SLC12A7: variants seen among roughly 807,000 people sequenced by gnomAD.
SLC12A7 encodes the protein K-Cl cotransporter 4.
Under a neutral mutation model 120.6 loss-of-function variants are expected in SLC12A7, and 100 were observed. The ratio of observed to expected loss-of-function variants is 0.83; its 90% CI spans 0.71 to 0.98. SLC12A7 has a LOEUF of 0.98. Ranked by LOEUF, SLC12A7 falls within the 50% of genes least tolerant of loss-of-function variation. The pLI, the probability that SLC12A7 is intolerant of heterozygous loss-of-function variation, is 0.00. For missense variants in SLC12A7, 1,373 were observed against 1,548.1 expected, an observed-to-expected ratio of 0.89 and a Z score of 1.90; for synonymous variants, 760 against 678.0, an observed-to-expected ratio of 1.12 and a Z score of -1.88.
intron 15 of SLC12A7, among the ~76,000 whole-genome samples, chr5:1,075,098 C>T (rs1254214840): frequency 6.6e-6 from 1 of 152,212 alleles, no homozygotes; most frequent in African/African-American, 2.4e-5. Flanking sequence ...GAATAGTCAG[C>T]CGTGGGCTCA....
At chr5:1,063,478 C>T (rs183150655) in intron 20 of SLC12A7, among the ~76,000 whole-genome samples, 136 of 152,258 alleles carry the variant, frequency 8.9e-4, no homozygotes, top group Non-Finnish European at 1.5e-3. Context: ...CACCCACACC[C>T]GTGTTACACG....
In SLC12A7 at chr5:1,087,200, A is replaced by C. The variant is rs542976227; in HGVS notation, c.545-167T>G. On this transcript the variant is annotated intron_variant, in intron 5 of 23. Coordinates refer to ENST00000264930, the MANE Select transcript of SLC12A7 (RefSeq NM_006598.3). ...GCACATGGAGACGCTTCCACGGTGA[A>C]CTCTCCCCTCCCGAGGCTCGGCACA... is the stretch of plus-strand genomic sequence containing the variant. 4.0e-5 allele frequency among the ~76,000 whole-genome samples: 6 copies of C among 151,816 alleles called. No individual in the cohort carries two copies. In the East Asian group the frequency reaches 5.8e-4, roughly 15 times the overall value.
rs148794067 is a variant in SLC12A7 at position 1,088,984 on chromosome 5, A to G, written c.487T>C (p.Cys163Arg). The stretch of plus-strand genomic sequence containing the variant: ...ACACCTGGCCGGGGGAGACTCACAC[A>G]TGTGCAGCACATGGCCACGATGAGG... ...SFLIVAMCCTCTMLTAISMSA... is the reference protein window; with the variant it reads ...SFLIVAMCCTRTMLTAISMSA... Residue 163 changes from cysteine to arginine, a missense_variant and splice_region_variant, in exon 4 of 24, where the codon TGT becomes CGT. Transcript: ENST00000264930. The G allele has an allele frequency of 2.7e-4, 440 of 1,612,602 alleles. No individual in the cohort carries two copies. Among genetic ancestry groups the G allele is most frequent in the Non-Finnish European group, 3.6e-4 (422 of 1,179,904 alleles).
the SLC12A7 span, among the ~76,000 whole-genome samples, chr5:1,144,606 C>T: frequency 1.3e-5 from 2 of 152,332 alleles, no homozygotes; most frequent in African/African-American, 2.4e-5. Context: ...TGGTGGGCAC[C>T]CGCCTTGAAA....
At chr5:1,141,281 C>A in the SLC12A7 span, among the ~76,000 whole-genome samples, 2 of 152,354 alleles carry the variant, frequency 1.3e-5, no homozygotes, top group East Asian at 3.9e-4. Flanking sequence ...GGATGCACCC[C>A]TGTGAGCTGT....
rs146676247 is a variant in SLC12A7, at chr5:1,059,733, G to A, written c.2847+611C>T. 1.4e-3 allele frequency among the ~76,000 whole-genome samples: 189 copies of A among 136,130 alleles called. 2 individuals are homozygous for A. Among genetic ancestry groups the A allele is most frequent in the Admixed American group, 3.8e-3 (50 of 13,122 alleles). The allele number at this position is 136,130 out of a possible 152,430, so 89.3% of individuals were successfully genotyped here. ...CTGCAGCCAGGCGGCCAGCTTCCAC[G>A]CACGGAGGCTGCACAGGTCTGTGTC... On this transcript the variant is annotated intron_variant, in intron 21 of 23. Transcript: ENST00000264930.
At chr5:1,055,816 A>G (rs1008468065) in intron 22 of SLC12A7, among the ~76,000 whole-genome samples, 4 of 152,232 alleles carry the variant, frequency 2.6e-5, no homozygotes, top group Admixed American at 2.0e-4. Context: ...TACAGAACGG[A>G]GCAGGAAGTA....
At chr5:1,069,721 T>G (rs1459027909) in intron 17 of SLC12A7, among the ~76,000 whole-genome samples, 27 of 152,008 alleles carry the variant, frequency 1.8e-4, no homozygotes, top group Admixed American at 1.8e-3. Context: ...TAACTCCAGG[T>G]GACGTGACGT....
chr5:1,052,369 G>T lies in SLC12A7; in HGVS notation c.3243C>A (p.Ile1081=). The T allele has an allele frequency of 6.2e-7, 1 of 1,612,656 alleles. No homozygotes were observed. The highest frequency in any genetic ancestry group is 8.5e-7 in the Non-Finnish European group (1 of 1,179,774). The part of the protein sequence containing the change: ...VRGGGREVIT[I]YS ...GTGATGCTGTTGGGCATTAGGAGTA[G>T]ATGGTGATCACCTCCCGGCCGCCAC... Residue 1081 remains isoleucine, a synonymous_variant, in exon 24 of 24, where the codon ATC becomes ATA. Coordinates refer to ENST00000264930, the MANE Select transcript of SLC12A7 (RefSeq NM_006598.3).
At chr5:1,094,949 A>C (rs1388516681) in intron 1 of SLC12A7, among the ~76,000 whole-genome samples, 1 of 144,988 alleles carries the variant, frequency 6.9e-6, no homozygotes, top group African/African-American at 2.6e-5. Context: ...GGAGGACTTG[A>C]GGCTCCCTGG....
chr5:1,068,244 G>A (rs1561049006), intron 17 of SLC12A7, among the ~76,000 whole-genome samples: 1 of 152,156 alleles, frequency 6.6e-6, no homozygotes, highest in Non-Finnish European at 1.5e-5. Context: ...AGACCAGACT[G>A]GCCAATGTGG....
intron 11 of SLC12A7, 121 bp downstream of exon 11, chr5:1,078,580 G>A (rs1738630769): frequency 1.3e-6 from 1 of 778,932 alleles, no homozygotes; most frequent in South Asian, 1.5e-5. Flanking sequence ...GGACCAGGAC[G>A]CCTTCAGCTC....
rs1734982020 is a variant in SLC12A7, at chr5:1,051,061, T to C, written c.*1299A>G. The C allele has an allele frequency of 2.5e-6, 1 of 397,646 alleles. No homozygotes were observed. Among genetic ancestry groups the C allele is most frequent in the African/African-American group, 2.1e-5 (1 of 48,740 alleles). 24.6% of individuals were successfully genotyped at this position (397,646 alleles called of 1,614,324 possible). A position where few individuals can be genotyped will look rare whatever the true frequency, so the allele number is the denominator to read the frequency against. ...CCTGGGGTGTTTAAATAAATAAATA[T>C]GCCACATAGAAAGGGAGGCCCAAGT... On this transcript the variant is annotated 3_prime_UTR_variant, in exon 24 of 24. Coordinates refer to ENST00000264930, the MANE Select transcript of SLC12A7 (RefSeq NM_006598.3).
At chr5:1,130,874 T>C in the SLC12A7 span, among the ~76,000 whole-genome samples, 1 of 152,184 alleles carries the variant, frequency 6.6e-6, no homozygotes, top group Non-Finnish European at 1.5e-5. Context: ...TGGGCCAGTC[T>C]GAGCCGGGAG....
chr5:1,053,353 C>A lies in SLC12A7; in HGVS notation c.3156G>T (p.Glu1052Asp). The change falls in exon 23 of 24, where the codon GAG becomes GAT. Residue 1052 changes from glutamate to aspartate, a missense_variant. Physicochemically the swap from Glu to Asp is conservative, Grantham distance 45. Coordinates refer to ENST00000264930, the MANE Select transcript of SLC12A7 (RefSeq NM_006598.3). ...PGPPKNRQGDENYMEFLEVLT... is the reference protein window; with the variant it reads ...PGPPKNRQGDDNYMEFLEVLT... ...GCACACTGCAAGAAAGGATACAGTT[C>A]TCGTCTCCCTGCCGGTTTTTGGGAG... The A allele has an allele frequency of 1.9e-5, 30 of 1,613,748 alleles. No individual in the cohort carries two copies. The highest frequency in any genetic ancestry group is 2.5e-5 in the Non-Finnish European group (29 of 1,179,916).
At chr5:1,105,611 A>C (rs999893073) in intron 1 of SLC12A7, among the ~76,000 whole-genome samples, 9 of 152,252 alleles carry the variant, frequency 5.9e-5, no homozygotes, top group African/African-American at 2.2e-4. Flanking sequence ...TGCTGCGCTG[A>C]AGCCAGAGGT....
At chr5:1,073,416 G>A (rs1381129078) in intron 17 of SLC12A7, among the ~76,000 whole-genome samples, 1 of 152,236 alleles carries the variant, frequency 6.6e-6, no homozygotes, top group East Asian at 1.9e-4. Flanking sequence ...CCCTTGGAAA[G>A]CTAATGGCCC....
chr5:1,081,687 G>A lies in SLC12A7; in HGVS notation c.1187C>T (p.Pro396Leu), dbSNP rs867951024. The stretch of plus-strand genomic sequence containing the variant: ...GCTCTCCTCTGCCACGGGCACCGAG[G>A]GCACACCTTTCTTCTCCACAAACGC... ...AGAFVEKKGV[P>L]SVPVAEESRA... The change falls in exon 9 of 24, where the codon CCC becomes CTC. Residue 396 changes from proline (P) to leucine (L), a missense_variant. Coordinates refer to ENST00000264930, the MANE Select transcript of SLC12A7 (RefSeq NM_006598.3). 2 of 1,613,108 alleles carry A rather than the reference G, an allele frequency of 1.2e-6. No homozygotes were observed. The highest frequency in any genetic ancestry group is 1.7e-6 in the Non-Finnish European group (2 of 1,179,984).
At chr5:1,114,653 G>A (rs1171655189), upstream of SLC12A7, among the ~76,000 whole-genome samples, 1 of 152,138 alleles carries the variant, frequency 6.6e-6, no homozygotes, top group Non-Finnish European at 1.5e-5. Context: ...GGTACCCGAG[G>A]CCTGGGTTGG....
Sources: allele counts gnomAD v4.1 joint callset (sites outside exome capture counted in the v4.1 genomes callset), GRCh38; gene constraint gnomAD v4.1.1; transcripts MANE v1.5; gene names NCBI Gene and HGNC (gene_info 2026-07-23, HGNC 2026-07-21).